CNBD1: variants seen among roughly 807,000 people sequenced by gnomAD.
CNBD1 encodes the protein cyclic nucleotide-binding domain-containing protein 1.
In CNBD1, 71 loss-of-function variants were observed where a neutral mutation model predicts 54.4. The ratio of observed to expected loss-of-function variants is 1.30; its 90% CI spans 1.08 to 1.59. The LOEUF is 1.59. CNBD1 is among the 40% of genes most tolerant of loss of function. CNBD1 has a pLI of 0.00. For missense variants in CNBD1, 659 were observed against 518.0 expected (o/e 1.27, Z -2.64); for synonymous variants, 182 against 170.7 (o/e 1.07, Z -0.51).
chr8:87,061,877 ATTAT>A (rs1810554945), intron 4 of CNBD1, among the ~76,000 whole-genome samples: 1 of 152,186 alleles, frequency 6.6e-6, no homozygotes, highest in Non-Finnish European at 1.5e-5. Context: ...CGTCTCCATA[ATTAT>A]TCTACCCTGT....
At chr8:87,287,197 G>A (rs1463069607) in intron 8 of CNBD1, among the ~76,000 whole-genome samples, 1 of 152,132 alleles carries the variant, frequency 6.6e-6, no homozygotes, top group African/African-American at 2.4e-5. Flanking sequence ...GCATAGCAAG[G>A]ATGCACGGAT....
chr8:87,214,603 C>G (rs1281969193), intron 5 of CNBD1, among the ~76,000 whole-genome samples: 1 of 152,148 alleles, frequency 6.6e-6, no homozygotes, highest in Non-Finnish European at 1.5e-5. Flanking sequence ...CTTTATTAGT[C>G]TGTTCTTAAG....
chr8:87,095,664 G>A (rs920833392), intron 4 of CNBD1, among the ~76,000 whole-genome samples: 30 of 152,042 alleles, frequency 2.0e-4, no homozygotes, highest in African/African-American at 4.6e-4. Flanking sequence ...ATCTGTTCTC[G>A]TCTTTTTTTT....
intron 4 of CNBD1, among the ~76,000 whole-genome samples, chr8:87,043,012 A>C (rs1810105356): frequency 1.3e-5 from 2 of 152,246 alleles, no homozygotes. Context: ...TTGCCAAGAC[A>C]GCTGTAGGTA....
At chr8:86,930,407 C>G (rs1289320900) in intron 3 of CNBD1, among the ~76,000 whole-genome samples, 1 of 152,136 alleles carries the variant, frequency 6.6e-6, no homozygotes, top group Non-Finnish European at 1.5e-5. Context: ...GTAATTCATC[C>G]ACATACTGAA....
At chr8:87,425,321 C>T (rs572849709) in intron 2 of CNBD1, among the ~76,000 whole-genome samples, 62 of 152,290 alleles carry the variant, frequency 4.1e-4, no homozygotes, top group African/African-American at 1.2e-3. Context: ...TCTGTCAGCT[C>T]GTCAGTCATT....
intron 10 of CNBD1, 151 bp from the exon 11 acceptor site, chr8:87,382,469 A>G: frequency 1.8e-6 from 1 of 543,306 alleles, no homozygotes; most frequent in Non-Finnish European, 3.3e-6. Flanking sequence ...CATTATTTCT[A>G]GAATAAGCTC....
At chr8:87,305,924 G>T (rs1054536252) in intron 8 of CNBD1, among the ~76,000 whole-genome samples, 7 of 152,088 alleles carry the variant, frequency 4.6e-5, no homozygotes, top group Admixed American at 1.3e-4. Context: ...TTAAACTAAA[G>T]AGCATTTGCA....
At chr8:87,327,818 G>A (rs149544505) in intron 8 of CNBD1, among the ~76,000 whole-genome samples, 1 of 152,226 alleles carries the variant, frequency 6.6e-6, no homozygotes, top group East Asian at 1.9e-4. Flanking sequence ...CGGCCATCTT[G>A]GCTCCTCCCC....
rs551644892 is a variant in CNBD1 at position 87,054,782 on chromosome 8, C to T, written c.431+115028C>T. Reference sequence around the variant, plus strand: ...TTGCCTGAGGACCTCCTTCCAGCCCCATGCAATGGCTAGGTCCTCCACAAA... The same window carrying T: ...TTGCCTGAGGACCTCCTTCCAGCCCTATGCAATGGCTAGGTCCTCCACAAA... On this transcript the variant is annotated intron_variant, in intron 4 of 10. Transcript: ENST00000518476. 9.2e-5 allele frequency among the ~76,000 whole-genome samples: 14 copies of T among 152,286 alleles called. No individual in the cohort carries two copies. In the South Asian group the frequency reaches 2.9e-3, roughly 32 times the overall value.
chr8:87,178,721 A>G (rs1388897959), intron 4 of CNBD1, among the ~76,000 whole-genome samples: 1 of 152,228 alleles, frequency 6.6e-6, no homozygotes, highest in Non-Finnish European at 1.5e-5. Flanking sequence ...TAGGCTTGTA[A>G]TAGTAGCAGG....
At chr8:87,177,539 T>A (rs1813225354) in intron 4 of CNBD1, among the ~76,000 whole-genome samples, 2 of 152,202 alleles carry the variant, frequency 1.3e-5, no homozygotes, top group South Asian at 4.1e-4. Context: ...GCATTGATAA[T>A]GCACATCAGC....
At chr8:86,937,448 A>T (rs972668777) in intron 3 of CNBD1, among the ~76,000 whole-genome samples, 5 of 152,072 alleles carry the variant, frequency 3.3e-5, no homozygotes, top group Non-Finnish European at 7.3e-5. Context: ...AGTCCCCCAA[A>T]GTCTTAACTC....
chr8:87,207,453 G>A (rs754465609), intron 5 of CNBD1, among the ~76,000 whole-genome samples: 33 of 148,246 alleles, frequency 2.2e-4, no homozygotes, highest in Non-Finnish European at 4.2e-4. Context: ...TATGCACATA[G>A]ACACACACAC....
intron 4 of CNBD1, among the ~76,000 whole-genome samples, chr8:87,085,659 T>C (rs564116342): frequency 1.3e-5 from 2 of 152,338 alleles, no homozygotes; most frequent in South Asian, 4.1e-4. Flanking sequence ...ACCTCAGCTT[T>C]AGGGTTCCCC....
chr8:86,947,351 T>C (rs958145902), intron 4 of CNBD1, among the ~76,000 whole-genome samples: 1 of 152,084 alleles, frequency 6.6e-6, no homozygotes, highest in South Asian at 2.1e-4. Context: ...TCTGAGGAAA[T>C]GTGTGTGTGA....
intron 4 of CNBD1, among the ~76,000 whole-genome samples, chr8:87,126,126 G>A (rs1394507981): frequency 6.6e-6 from 1 of 151,882 alleles, no homozygotes; most frequent in South Asian, 2.1e-4. Context: ...CACATAAAGT[G>A]TTCTGAACAT....
chr8:87,100,808 A>C (rs1247385036), intron 4 of CNBD1, among the ~76,000 whole-genome samples: 1 of 152,066 alleles, frequency 6.6e-6, no homozygotes, highest in African/African-American at 2.4e-5. Context: ...ATTTTGTTAG[A>C]GGACTAAGTT....
intron 4 of CNBD1, among the ~76,000 whole-genome samples, chr8:87,149,771 G>T (rs1341153645): frequency 2.0e-5 from 3 of 152,108 alleles, no homozygotes; most frequent in East Asian, 1.9e-4. Context: ...TTTAAATCAG[G>T]CTGTAATGAG....
Sources: allele counts gnomAD v4.1 joint callset (sites outside exome capture counted in the v4.1 genomes callset), GRCh38; gene constraint gnomAD v4.1.1; transcripts MANE v1.5; gene names NCBI Gene and HGNC (gene_info 2026-07-23, HGNC 2026-07-21).